The following SNRK variants were observed in gnomAD, a reference collection of about 807,000 sequenced individuals.
SNRK encodes the protein SNF related kinase.
In SNRK, 3 loss-of-function variants were observed where a neutral mutation model predicts 48.2. The ratio of observed to expected loss-of-function variants is 0.06; its 90% CI spans 0.03 to 0.16. SNRK has a LOEUF of 0.16. SNRK is among the 10% of genes least tolerant of loss of function. SNRK has a pLI of 1.00. For missense variants in SNRK, 627 were observed against 976.0 expected (o/e 0.64, Z 4.76); for synonymous variants, 376 against 366.1 (o/e 1.03, Z -0.31).
At chr3:43,343,065 A>C (rs1026545589) in intron 5 of SNRK, among the ~76,000 whole-genome samples, 2 of 152,118 alleles carry the variant, frequency 1.3e-5, no homozygotes, top group African/African-American at 4.8e-5. Context: ...TATGTGTCTA[A>C]AACTGACGTC....
intron 3 of SNRK, among the ~76,000 whole-genome samples, chr3:43,307,585 G>A (rs1389089097): frequency 2.0e-5 from 3 of 152,104 alleles, no homozygotes; most frequent in Non-Finnish European, 4.4e-5. Context: ...TACTATTGTA[G>A]TTGTTTTGGG....
intron 1 of SNRK, among the ~76,000 whole-genome samples, chr3:43,290,758 T>C (rs745849422): frequency 2.0e-5 from 3 of 152,246 alleles, no homozygotes; most frequent in Non-Finnish European, 2.9e-5. Context: ...GCTCTTGTTT[T>C]TGGCTCTTTA....
At chr3:43,286,778 C>T (rs1466313872) in intron 1 of SNRK, 103 bp downstream of exon 1, 2 of 147,710 alleles carry the variant, frequency 1.4e-5, no homozygotes, top group African/African-American at 4.9e-5. Context: ...GGGCTGGGCG[C>T]CCGGGCCGGG....
intron 1 of SNRK, among the ~76,000 whole-genome samples, chr3:43,293,780 G>T (rs542888112): frequency 2.6e-4 from 39 of 152,158 alleles, no homozygotes; most frequent in African/African-American, 9.4e-4. Context: ...TTAGCTGGGT[G>T]TGGTGGCATG....
intron 3 of SNRK, among the ~76,000 whole-genome samples, chr3:43,324,372 G>C (rs1371777960): frequency 6.6e-6 from 1 of 152,178 alleles, no homozygotes; most frequent in Non-Finnish European, 1.5e-5. Context: ...AGCCAGGCCT[G>C]GTGGCACATG....
chr3:43,332,173 T>C lies in SNRK; in HGVS notation c.594T>C (p.Ile198=), dbSNP rs1476885900. ...GDEYDAPAVD[I]WSLGVILFML... is the part of the protein sequence containing the mutation. ...AAGTATGTCTTTGATTTATAGATATTTGGAGTCTGGGAGTGATCCTTTTCA... is the reference window on the plus strand; with the variant it reads ...AAGTATGTCTTTGATTTATAGATATCTGGAGTCTGGGAGTGATCCTTTTCA... The change falls in exon 4 of 7, where the codon ATT becomes ATC. Residue 198 remains isoleucine, a synonymous_variant. Coordinates refer to ENST00000296088, the MANE Select transcript of SNRK (RefSeq NM_017719.5). 4 of 1,558,338 alleles carry C rather than the reference T, an allele frequency of 2.6e-6. No homozygotes were observed. Among genetic ancestry groups the C allele is most frequent in the Non-Finnish European group, 3.5e-6 (4 of 1,156,196 alleles).
At chr3:43,291,571 A>G (rs148823602) in intron 1 of SNRK, among the ~76,000 whole-genome samples, 88 of 152,270 alleles carry the variant, frequency 5.8e-4, no homozygotes, top group Middle Eastern at 3.4e-3. Flanking sequence ...TTTGTATTCT[A>G]CTCACACCCT....
Position 43,345,364 on chromosome 3 carries a change from CTG to C in SNRK, c.1079+1888_1079+1889del, listed in dbSNP as rs1451552614. 3.9e-5 allele frequency among the ~76,000 whole-genome samples: 6 copies of C among 152,092 alleles called. No individual in the cohort carries two copies. The South Asian group carries it at 1.2e-3, about 32-fold the overall frequency. On this transcript the variant is annotated intron_variant, in intron 6 of 6. Coordinates refer to ENST00000296088, the MANE Select transcript of SNRK (RefSeq NM_017719.5). Reference sequence around the variant, plus strand: ...TAGAAACCTGGACTGAGTCAGGAGACTGTATTTAAAATGGCAACTAGCTGGGC... The same window carrying C: ...TAGAAACCTGGACTGAGTCAGGAGACTATTTAAAATGGCAACTAGCTGGGC...
chr3:43,343,435 C>A lies in SNRK; in HGVS notation c.1036C>A (p.Gln346Lys), dbSNP rs760563902. Residue 346 changes from glutamine (Q) to lysine (K), a missense_variant, in exon 6 of 7, where the codon CAG (glutamine) becomes AAG (lysine). Gln to Lys is a moderately conservative substitution (Grantham distance 53). Coordinates refer to ENST00000296088, the MANE Select transcript of SNRK (RefSeq NM_017719.5). ...GAGAGAAAAGCAAGAGAAAGAAATA[C>A]AGACCAGATCTGCAAGCCCGAGCAA... ...ILREKQEKEI[Q>K]TRSASPSNIK... 6.2e-7 allele frequency: 1 copy of A among 1,613,858 alleles called. No homozygotes were observed. The highest frequency in any genetic ancestry group is 8.5e-7 in the Non-Finnish European group (1 of 1,179,954).
chr3:43,319,367 C>T (rs968517700), intron 3 of SNRK, among the ~76,000 whole-genome samples: 3 of 152,058 alleles, frequency 2.0e-5, no homozygotes, highest in Non-Finnish European at 2.9e-5. Context: ...TCTGGTAAGT[C>T]GGAAAACAAG....
At chr3:43,306,782 TCTTA>T (rs1340106870) in intron 3 of SNRK, among the ~76,000 whole-genome samples, 11 of 152,222 alleles carry the variant, frequency 7.2e-5, no homozygotes, top group African/African-American at 2.2e-4. Context: ...GTCTTTGGTT[TCTTA>T]CTTAACTGAA....
At chr3:43,296,927 A>G (rs1389896250) in intron 1 of SNRK, among the ~76,000 whole-genome samples, 1 of 152,190 alleles carries the variant, frequency 6.6e-6, no homozygotes, top group Non-Finnish European at 1.5e-5. Flanking sequence ...CAGTAGGAGA[A>G]CATCAGTATA....
chr3:43,313,416 A>G (rs895640548), intron 3 of SNRK, among the ~76,000 whole-genome samples: 2 of 152,206 alleles, frequency 1.3e-5, no homozygotes, highest in South Asian at 2.1e-4. Context: ...AACAACTTGG[A>G]TGGATTTCAA....
At chr3:43,293,938 G>C (rs1299721786) in intron 1 of SNRK, among the ~76,000 whole-genome samples, 1 of 151,818 alleles carries the variant, frequency 6.6e-6, no homozygotes, top group Non-Finnish European at 1.5e-5. Flanking sequence ...AAAAAGATTG[G>C]AATTACATGC....
rs1009761099 is a variant in SNRK at position 43,349,312 on chromosome 3, TAACTC to T, written c.*756_*760del. The T allele has an allele frequency of 6.5e-6, 1 of 152,684 alleles. No individual in the cohort carries two copies. Among genetic ancestry groups the T allele is most frequent in the African/African-American group, 2.4e-5 (1 of 41,468 alleles). 9.5% of individuals were successfully genotyped at this position (152,684 alleles called of 1,614,324 possible). A position where few individuals can be genotyped will look rare whatever the true frequency, so the allele number is the denominator to read the frequency against. On this transcript the variant is annotated 3_prime_UTR_variant, in exon 7 of 7. Transcript: ENST00000296088. Reference sequence around the variant, plus strand: ...GTAATGTGATGAAGTGATGATGTCTTAACTCTACTTAGAGAGTGTATGTCTGTCTA... The same window carrying T: ...GTAATGTGATGAAGTGATGATGTCTTTACTTAGAGAGTGTATGTCTGTCTA...
intron 3 of SNRK, among the ~76,000 whole-genome samples, chr3:43,311,745 C>T (rs768678865): frequency 6.6e-6 from 1 of 152,094 alleles, no homozygotes; most frequent in Non-Finnish European, 1.5e-5. Flanking sequence ...TGACCAGGCT[C>T]TGCTGAAACC....
intron 6 of SNRK, among the ~76,000 whole-genome samples, chr3:43,345,449 A>C (rs1227246429): frequency 1.3e-5 from 2 of 152,186 alleles, no homozygotes; most frequent in Non-Finnish European, 2.9e-5. Flanking sequence ...GAACAGATAC[A>C]TGCTCTGTGG....
chr3:43,306,267 A>C (rs2090937122), intron 3 of SNRK, among the ~76,000 whole-genome samples: 1 of 5,606 alleles, frequency 1.8e-4, no homozygotes, highest in Admixed American at 4.3e-3. Context: ...CTGTTAATCT[A>C]CATTAGTTTA....
At chr3:43,309,094 C>T (rs926046524) in intron 3 of SNRK, among the ~76,000 whole-genome samples, 2 of 152,100 alleles carry the variant, frequency 1.3e-5, no homozygotes, top group African/African-American at 2.4e-5. Context: ...TTGCTGCAGT[C>T]TCTTGATAAA....
Sources: allele counts gnomAD v4.1 joint callset (sites outside exome capture counted in the v4.1 genomes callset), GRCh38; gene constraint gnomAD v4.1.1; transcripts MANE v1.5; gene names NCBI Gene and HGNC (gene_info 2026-07-23, HGNC 2026-07-21).